PTPRQ: variants seen among roughly 807,000 people sequenced by gnomAD.
PTPRQ encodes phosphatidylinositol phosphatase PTPRQ.
PTPRQ carries 199 observed loss-of-function variants against 246.0 expected under a neutral mutation model. The ratio of observed to expected loss-of-function variants is 0.81; its 90% CI spans 0.72 to 0.91. The LOEUF (loss-of-function observed/expected upper bound fraction) is 0.91, where lower values mean the gene tolerates loss of function less well. PTPRQ is among the 40% of genes least tolerant of loss of function. PTPRQ has a pLI of 0.00. For missense variants in PTPRQ, 2,624 were observed against 2,528.4 expected (o/e 1.04, Z -0.81); for synonymous variants, 869 against 853.2 (o/e 1.02, Z -0.32).
chr12:80,585,349 T>C (rs147541138), intron 25 of PTPRQ, among the ~76,000 whole-genome samples: 1 of 152,254 alleles, frequency 6.6e-6, no homozygotes, highest in African/African-American at 2.4e-5. Flanking sequence ...TCCTTCACAT[T>C]ATATTCAGGA....
At chr12:80,483,461 G>A (rs1297632300) in intron 8 of PTPRQ, among the ~76,000 whole-genome samples, 1 of 150,330 alleles carries the variant, frequency 6.7e-6, no homozygotes, top group African/African-American at 2.5e-5. Context: ...CACCAGCGTG[G>A]CACATGTATA....
intron 30 of PTPRQ, among the ~76,000 whole-genome samples, chr12:80,617,336 T>G (rs1898800806): frequency 6.6e-6 from 1 of 151,428 alleles, no homozygotes; most frequent in Admixed American, 6.6e-5. Flanking sequence ...ATGAAACTGA[T>G]AAATTTTATC....
intron 8 of PTPRQ, among the ~76,000 whole-genome samples, chr12:80,478,301 A>G (rs1565732448): frequency 6.6e-6 from 1 of 151,986 alleles, no homozygotes; most frequent in Non-Finnish European, 1.5e-5. Context: ...GTACTCCAAC[A>G]GACCTGCAGC....
chr12:80,529,579 G>C (rs1895785845), intron 17 of PTPRQ, among the ~76,000 whole-genome samples: 1 of 152,048 alleles, frequency 6.6e-6, no homozygotes, highest in African/African-American at 2.4e-5. Flanking sequence ...GGTGTTGTAA[G>C]AGAGAAACAA....
Position 80,482,745 on chromosome 12 carries a change from C to G in PTPRQ, c.1187-1688C>G, listed in dbSNP as rs1457615086. ...TGAACAGACACTTCTCAAAAGAAGA[C>G]ATTTATGCAGCCAAAAGACACATGA... On this transcript the variant is annotated intron_variant, in intron 8 of 44. Coordinates refer to ENST00000644991, the MANE Select transcript of PTPRQ (RefSeq NM_001145026.2). Among the ~76,000 whole-genome samples, 2 of 151,362 alleles carry G rather than the reference C, an allele frequency of 1.3e-5. 1 individual carries two copies. Among genetic ancestry groups the G allele is most frequent in the African/African-American group, 4.9e-5 (2 of 40,766 alleles).
At chr12:80,604,159 C>T (rs992753212) in intron 26 of PTPRQ, among the ~76,000 whole-genome samples, 1 of 151,360 alleles carries the variant, frequency 6.6e-6, no homozygotes, top group Non-Finnish European at 1.5e-5. Context: ...AATGTTTGCC[C>T]ATATGTATTT....
intron 6 of PTPRQ, chr12:80,465,646 G>C (rs1448834840): frequency 6.6e-6 from 1 of 152,202 alleles, no homozygotes. Context: ...ACACCAAAAA[G>C]CTTATCCACC....
chr12:80,445,555 G>C lies in PTPRQ; in HGVS notation c.228G>C (p.Trp76Cys). Residue 76 changes from tryptophan to cysteine, a missense_variant, in exon 3 of 45, where the codon TGG becomes TGC. By Grantham distance (215) the Trp-to-Cys change is radical (BLOSUM62 -2). Transcript: ENST00000644991. ...RVGSAGILLS[W>C]NTPPNPNGRI... The stretch of plus-strand genomic sequence containing the variant: ...GATCTGCTGGGATTCTTCTGTCTTG[G>C]AATACACCACCTAATCCAAATGGAA... 1.3e-6 allele frequency: 2 copies of C among 1,549,686 alleles called. No individual in the cohort carries two copies. Among genetic ancestry groups the C allele is most frequent in the South Asian group, 2.4e-5 (2 of 83,986 alleles).
intron 14 of PTPRQ, among the ~76,000 whole-genome samples, chr12:80,498,615 G>C (rs753614259): frequency 6.6e-6 from 1 of 152,020 alleles, no homozygotes; most frequent in Non-Finnish European, 1.5e-5. Context: ...TGCTGTTTTT[G>C]AAGTAATCAA....
At position 80,448,824 on chromosome 12, in the gene PTPRQ, G is replaced by A. The variant is rs567630463; in HGVS notation, c.390+3107G>A. ...AGTCTTTGCTATTGTGAATAGTGCC[G>A]CAATAAACATACGTGTGCATGTGTC... is the stretch of plus-strand genomic sequence containing the variant. On this transcript the variant is annotated intron_variant, in intron 3 of 44. Transcript: ENST00000644991. Among the ~76,000 whole-genome samples, 345 of 148,186 alleles carry A rather than the reference G, an allele frequency of 2.3e-3. 2 individuals carry two copies. Among genetic ancestry groups the A allele is most frequent in the South Asian group, 3.7e-3 (17 of 4,614 alleles).
At chr12:80,533,945 G>T in intron 17 of PTPRQ, 70 bp from the exon 18 acceptor site, 1 of 1,184,164 alleles carries the variant, frequency 8.4e-7, no homozygotes, top group Non-Finnish European at 1.1e-6. Flanking sequence ...TACTTTTAAT[G>T]TTAGTGTGCT....
rs111715691 is a variant in PTPRQ at position 80,653,042 on chromosome 12, A to C, written c.6115+208A>C. ...ACGTGGTTTTCAGTTTGTTCACACA[A>C]GTTCACTTATGCAGGTGCAAGAAAC... On this transcript the variant is annotated intron_variant, in intron 38 of 44. Coordinates refer to ENST00000644991, the MANE Select transcript of PTPRQ (RefSeq NM_001145026.2). Among the ~76,000 whole-genome samples, 348 of 152,242 alleles carry C rather than the reference A, an allele frequency of 2.3e-3. 2 individuals carry two copies. Among genetic ancestry groups the C allele is most frequent in the African/African-American group, 8.1e-3 (336 of 41,558 alleles).
In PTPRQ at chr12:80,594,721, C is replaced by T. The variant is rs1372466539; in HGVS notation, c.4609+6269C>T. 5.9e-5 allele frequency among the ~76,000 whole-genome samples: 9 copies of T among 152,112 alleles called. No homozygotes were observed. The East Asian group carries it at 9.6e-4, about 16-fold the overall frequency. ...TCTTTTTACCTACTCTCATCCCCCA[C>T]GAGGCAAAACCTGAGTCCTATTGTA... On this transcript the variant is annotated intron_variant, in intron 26 of 44. Coordinates refer to ENST00000644991, the MANE Select transcript of PTPRQ (RefSeq NM_001145026.2).
chr12:80,500,897 T>C (rs1162364534), intron 14 of PTPRQ, among the ~76,000 whole-genome samples: 1 of 151,904 alleles, frequency 6.6e-6, no homozygotes, highest in East Asian at 1.9e-4. Context: ...TTTTACTAAG[T>C]GAAAAATATC....
Position 80,463,901 on chromosome 12 carries a change from C to T in PTPRQ, c.910+2999C>T, listed in dbSNP as rs1053919683. 6.7e-4 allele frequency among the ~76,000 whole-genome samples: 102 copies of T among 151,506 alleles called. 1 individual carries two copies. Among genetic ancestry groups the T allele is most frequent in the African/African-American group, 2.2e-3 (90 of 41,136 alleles). ...ATGGAAAGGAACAACTGGTACCAGC[C>T]GCTGCAAAATCATGCCAAAATGTAA... On this transcript the variant is annotated intron_variant, in intron 6 of 44. Transcript: ENST00000644991.
chr12:80,510,397 C>A lies in PTPRQ; in HGVS notation c.2632C>A (p.Pro878Thr). The A allele has an allele frequency of 2.6e-6, 4 of 1,550,380 alleles. No homozygotes were observed. Among genetic ancestry groups the A allele is most frequent in the Non-Finnish European group, 3.5e-6 (4 of 1,146,102 alleles). Residue 878 changes from proline to threonine, a missense_variant, in exon 17 of 45, where the codon CCC becomes ACC. Physicochemically the swap from Pro to Thr is conservative, Grantham distance 38 (BLOSUM62 -1). Transcript: ENST00000644991. ...CACGGTGAAGTTGTCATGGCAACCA[C>A]CCCTGGAGCCAAATGGAATTATCCT... Reference protein sequence around the residue: ...GVTVKLSWQPPLEPNGIILYY... With the variant: ...GVTVKLSWQPTLEPNGIILYY...
chr12:80,576,559 T>G (rs1467837307), intron 25 of PTPRQ, among the ~76,000 whole-genome samples: 2 of 152,242 alleles, frequency 1.3e-5, no homozygotes, highest in Non-Finnish European at 2.9e-5. Flanking sequence ...ATCCGTCTGT[T>G]GATTTGTTCA....
rs1900023184 is a variant in PTPRQ at position 80,645,074 on chromosome 12, G to A, written c.5916-3823G>A. Among the ~76,000 whole-genome samples the A allele has an allele frequency of 3.9e-5, 6 of 152,102 alleles. No individual in the cohort carries two copies. The South Asian group carries it at 1.2e-3, about 32-fold the overall frequency. Reference sequence around the variant, plus strand: ...TCTTATCTTATATAAACATAAATGTGAAGAACAGATTCTAAAAAGTGATTG... The same window carrying A: ...TCTTATCTTATATAAACATAAATGTAAAGAACAGATTCTAAAAAGTGATTG... On this transcript the variant is annotated intron_variant, in intron 35 of 44. Coordinates refer to ENST00000644991, the MANE Select transcript of PTPRQ (RefSeq NM_001145026.2).
chr12:80,602,367 T>C (rs1898172264), intron 26 of PTPRQ, among the ~76,000 whole-genome samples: 1 of 151,842 alleles, frequency 6.6e-6, no homozygotes. Flanking sequence ...AGTTTAAAGA[T>C]TGTCACCACT....
Sources: allele counts gnomAD v4.1 joint callset (sites outside exome capture counted in the v4.1 genomes callset), GRCh38; gene constraint gnomAD v4.1.1; transcripts MANE v1.5; gene names NCBI Gene and HGNC (gene_info 2026-07-23, HGNC 2026-07-21).